Variants in PPM1B observed in about 807,000 individuals in gnomAD.
PPM1B encodes the protein protein phosphatase, Mg2+/Mn2+ dependent 1B.
In PPM1B, 22 loss-of-function variants were observed where a neutral mutation model predicts 43.0. The observed-to-expected ratio is 0.51, with a 90% confidence interval of 0.37 to 0.73. The LOEUF (loss-of-function observed/expected upper bound fraction) is 0.73, where lower values mean the gene tolerates loss of function less well. Among genes scored for constraint, PPM1B ranks in the 30% least tolerant of loss-of-function variants. PPM1B has a pLI of 0.00. For synonymous variants in PPM1B, 217 were observed against 197.9 expected, an observed-to-expected ratio of 1.10 and a Z score of -0.81; for missense variants, 632 against 584.2, an observed-to-expected ratio of 1.08 and a Z score of -0.84.
At chr2:44,245,483 C>G (rs896483319), downstream of PPM1B, among the ~76,000 whole-genome samples, 1 of 152,052 alleles carries the variant, frequency 6.6e-6, no homozygotes, top group Non-Finnish European at 1.5e-5. Flanking sequence ...CTCCTGGAAC[C>G]CACAAAAAAC....
intron 2 of PPM1B, among the ~76,000 whole-genome samples, chr2:44,208,573 C>A (rs1009834603): frequency 6.6e-6 from 1 of 152,102 alleles, no homozygotes; most frequent in African/African-American, 2.4e-5. Flanking sequence ...ATTAGCCGGG[C>A]CTGGTGGCCG....
At chr2:44,205,794 A>T (rs1669163513) in intron 2 of PPM1B, among the ~76,000 whole-genome samples, 1 of 152,202 alleles carries the variant, frequency 6.6e-6, no homozygotes, top group Non-Finnish European at 1.5e-5. Flanking sequence ...ATTTTAAAAC[A>T]TGAGATAGTA....
downstream of PPM1B, among the ~76,000 whole-genome samples, chr2:44,246,702 A>T (rs987682294): frequency 6.6e-6 from 1 of 152,190 alleles, no homozygotes; most frequent in East Asian, 1.9e-4. Flanking sequence ...CGGAGGCTTC[A>T]CTTTGACCTA....
chr2:44,193,550 T>A (rs1668507856), intron 1 of PPM1B, among the ~76,000 whole-genome samples: 1 of 151,704 alleles, frequency 6.6e-6, no homozygotes, highest in South Asian at 2.1e-4. Flanking sequence ...CTTGCTACTG[T>A]ACCCAGCTAA....
chr2:44,197,903 CTATTTATGT>C (rs1429754538), intron 1 of PPM1B, among the ~76,000 whole-genome samples: 6 of 152,116 alleles, frequency 3.9e-5, no homozygotes, highest in Admixed American at 2.6e-4. Context: ...ATTGTTATCG[CTATTTATGT>C]TACTTTTCTA....
chr2:44,201,354 A>C lies in PPM1B; in HGVS notation c.155A>C (p.Asp52Ala). ...AVVGIPHGLE[D>A]WSFFAVYDGH... Reference sequence around the variant, plus strand: ...GTAGGTATTCCTCACGGCTTGGAAGACTGGTCATTTTTTGCAGTTTATGAT... The same window carrying C: ...GTAGGTATTCCTCACGGCTTGGAAGCCTGGTCATTTTTTGCAGTTTATGAT... Residue 52 changes from aspartate (D) to alanine (A), a missense_variant, in exon 2 of 6, where the codon GAC becomes GCC. Asp to Ala is a moderately radical substitution (Grantham distance 126). This residue lies in a region of PPM1B where 200 missense variants were observed against 200.7 expected (regional missense o/e 1.00). Transcript: ENST00000282412. The surrounding 1 kb of genome is among the most constrained non-coding windows in gnomAD (Gnocchi z 5.4). 1 of 1,614,118 alleles carries C rather than the reference A, an allele frequency of 6.2e-7. No homozygotes were observed. The highest frequency in any genetic ancestry group is 8.5e-7 in the Non-Finnish European group (1 of 1,180,020).
downstream of PPM1B, chr2:44,233,168 A>T (rs1670517087): frequency 1.0e-6 from 1 of 956,540 alleles, no homozygotes; most frequent in African/African-American, 1.8e-5. Context: ...TATAGTTTTA[A>T]TTTTTTCAGC....
At position 44,201,287 on chromosome 2, in the gene PPM1B, C is replaced by G; in HGVS notation, c.88C>G (p.Gln30Glu). 1 of 1,614,038 alleles carries G rather than the reference C, an allele frequency of 6.2e-7. No individual in the cohort carries two copies. Among genetic ancestry groups the G allele is most frequent in the Non-Finnish European group, 8.5e-7 (1 of 1,179,998 alleles). The change falls in exon 2 of 6, where the codon CAA (glutamine) becomes GAA (glutamate). Residue 30 changes from glutamine to glutamate, a missense_variant. Coordinates refer to ENST00000282412, the MANE Select transcript of PPM1B (RefSeq NM_002706.6). This position sits in a 1 kb window ranked among gnomAD's most constrained non-coding sequence, Gnocchi z 5.4. Reference sequence around the variant, plus strand: ...TTTACGTTATGGCCTGAGCAGCATGCAAGGATGGAGAGTGGAAATGGAAGA... The same window carrying G: ...TTTACGTTATGGCCTGAGCAGCATGGAAGGATGGAGAGTGGAAATGGAAGA... ...NGLRYGLSSM[Q>E]GWRVEMEDAH...
chr2:44,244,820 G>GATATAGAT (rs1670824937), downstream of PPM1B, among the ~76,000 whole-genome samples: 1 of 129,914 alleles, frequency 7.7e-6, no homozygotes, highest in African/African-American at 2.9e-5. Flanking sequence ...AATTACTTGA[G>GATATAGAT]ATATATATAT....
At chr2:44,203,626 G>A (rs560884285) in intron 2 of PPM1B, among the ~76,000 whole-genome samples, 99 of 152,214 alleles carry the variant, frequency 6.5e-4, no homozygotes, top group African/African-American at 2.2e-3. Context: ...CTGTGAGTGT[G>A]TGTATTTTTA....
At chr2:44,237,842 T>C (rs1229532572), downstream of PPM1B, among the ~76,000 whole-genome samples, 2 of 152,148 alleles carry the variant, frequency 1.3e-5, no homozygotes, top group Non-Finnish European at 2.9e-5. Flanking sequence ...TTTTGGGCAC[T>C]GATTATGAAG....
downstream of PPM1B, among the ~76,000 whole-genome samples, chr2:44,239,207 G>A (rs1200550978): frequency 6.7e-6 from 1 of 149,172 alleles, no homozygotes; most frequent in Non-Finnish European, 1.5e-5. Context: ...AAAAAATCCG[G>A]TTGGATAAGC....
exon 6 of PPM1B, chr2:44,244,303 T>TTCCAAGCAC: frequency 7.3e-7 from 1 of 1,360,986 alleles, no homozygotes; most frequent in Non-Finnish European, 9.8e-7. Context: ...CTGGCAGACC[T>TTCCAAGCAC]TCCAAGCACT....
At chr2:44,183,325 C>A (rs1206800049) in intron 1 of PPM1B, among the ~76,000 whole-genome samples, 1 of 152,212 alleles carries the variant, frequency 6.6e-6, no homozygotes, top group African/African-American at 2.4e-5. Flanking sequence ...TCGATGAAAT[C>A]AGACCATTTA....
chr2:44,234,757 A>G (rs188211572), downstream of PPM1B: 3 of 237,918 alleles, frequency 1.3e-5, no homozygotes, highest in African/African-American at 4.6e-5. Context: ...GATATTTACT[A>G]TATTAGAAAT....
At chr2:44,233,026 A>C (rs988349952), downstream of PPM1B, 2 of 983,472 alleles carry the variant, frequency 2.0e-6, no homozygotes, top group Non-Finnish European at 2.4e-6. Flanking sequence ...TCACTAGAAA[A>C]TCTTTTGAAA....
chr2:44,187,608 C>T (rs1426649818), intron 1 of PPM1B, among the ~76,000 whole-genome samples: 3 of 152,186 alleles, frequency 2.0e-5, no homozygotes, highest in African/African-American at 7.2e-5. Context: ...AAGCAGTAGG[C>T]TTTGAGTCTG....
intron 5 of PPM1B, among the ~76,000 whole-genome samples, chr2:44,227,198 C>T (rs1277254102): frequency 6.6e-6 from 1 of 152,100 alleles, no homozygotes; most frequent in African/African-American, 2.4e-5. Context: ...TGGTCTCAAA[C>T]TCCTGGGCTC....
chr2:44,234,685 G>A, downstream of PPM1B: 2 of 895,904 alleles, frequency 2.2e-6, no homozygotes. Context: ...TTGGTCTGAG[G>A]ACCCACTTAT....
Sources: gnomAD v4.1 joint callset for allele counts (sites outside exome capture counted in the v4.1 genomes callset) on GRCh38, gnomAD v4.1.1 for gene constraint, gnomAD v4.1.1 regional missense constraint, Gnocchi (gnomAD v3.1) non-coding constraint, MANE v1.5 for transcripts, NCBI Gene and HGNC (gene_info 2026-07-23, HGNC 2026-07-21) for gene names.